MACROD2: variants seen among roughly 807,000 people sequenced by gnomAD.
MACROD2 encodes the protein mono-ADP ribosylhydrolase 2, also known as ADP-ribose glycohydrolase MACROD2.
Under a neutral mutation model 70.4 loss-of-function variants are expected in MACROD2, and 36 were observed. The ratio of observed to expected loss-of-function variants is 0.51; its 90% confidence interval spans 0.39 to 0.68. The LOEUF is 0.68. Ranked by LOEUF, MACROD2 falls within the 30% of genes least tolerant of loss-of-function variation. The probability of loss-of-function intolerance (pLI) is 0.00; values close to 1 mark genes in which losing one functional copy is unlikely to be tolerated. For missense variants in MACROD2, 496 were observed against 538.4 expected, an observed-to-expected ratio of 0.92 and a Z score of 0.78; for synonymous variants, 172 against 178.8, an observed-to-expected ratio of 0.96 and a Z score of 0.30.
At chr20:14,115,145 T>C (rs2054498757) in intron 3 of MACROD2, among the ~76,000 whole-genome samples, 1 of 152,106 alleles carries the variant, frequency 6.6e-6, no homozygotes, top group Non-Finnish European at 1.5e-5. Flanking sequence ...CGTCAAAGGT[T>C]CAGTGGGTAT....
chr20:15,094,180 A>G (rs369502395), intron 5 of MACROD2, among the ~76,000 whole-genome samples: 15 of 152,186 alleles, frequency 9.9e-5, no homozygotes, highest in African/African-American at 3.6e-4. Context: ...GTTGGCTTTG[A>G]TTCCTCTTAT....
chr20:16,033,783 C>A (rs1358076520), intron 15 of MACROD2, among the ~76,000 whole-genome samples: 1 of 150,032 alleles, frequency 6.7e-6, no homozygotes, highest in Admixed American at 6.7e-5. Context: ...TCCCCTTTCA[C>A]TAATAGTGAC....
At chr20:15,108,220 T>C (rs2075926824) in intron 5 of MACROD2, among the ~76,000 whole-genome samples, 1 of 152,104 alleles carries the variant, frequency 6.6e-6, no homozygotes, top group Non-Finnish European at 1.5e-5. Context: ...TCTTAGAGTT[T>C]AGGTAAAGAT....
At chr20:14,718,761 T>C (rs1335897383) in intron 5 of MACROD2, among the ~76,000 whole-genome samples, 1 of 151,626 alleles carries the variant, frequency 6.6e-6, no homozygotes, top group Non-Finnish European at 1.5e-5. Context: ...TTCCAGAAAA[T>C]GATAAAATAA....
chr20:14,678,931 ACC>A (rs2070895288), intron 4 of MACROD2, among the ~76,000 whole-genome samples: 1 of 151,662 alleles, frequency 6.6e-6, no homozygotes, highest in African/African-American at 2.4e-5. Context: ...GAGTAACCTA[ACC>A]ATTTCCTCAG....
At chr20:15,553,214 G>C (rs968082975) in intron 8 of MACROD2, among the ~76,000 whole-genome samples, 2 of 152,018 alleles carry the variant, frequency 1.3e-5, no homozygotes, top group Admixed American at 6.6e-5. Flanking sequence ...GAGAACACAC[G>C]AGTCGACAAA....
At chr20:14,625,751 G>A (rs891805589) in intron 4 of MACROD2, among the ~76,000 whole-genome samples, 2 of 152,190 alleles carry the variant, frequency 1.3e-5, no homozygotes, top group East Asian at 3.9e-4. Context: ...CCCCAGGTAT[G>A]ACTTTGCCTT....
intron 5 of MACROD2, among the ~76,000 whole-genome samples, chr20:14,764,937 A>G (rs1215425823): frequency 6.6e-6 from 1 of 152,084 alleles, no homozygotes; most frequent in Non-Finnish European, 1.5e-5. Flanking sequence ...CTGTCCAGCT[A>G]AAACTATACT....
chr20:15,396,918 A>G (rs1425481186), intron 6 of MACROD2, among the ~76,000 whole-genome samples: 1 of 152,188 alleles, frequency 6.6e-6, no homozygotes, highest in Non-Finnish European at 1.5e-5. Flanking sequence ...GTTCTATGGA[A>G]GGGGAGAGCA....
intron 3 of MACROD2, among the ~76,000 whole-genome samples, chr20:14,211,031 A>T (rs2122132709): frequency 6.6e-6 from 1 of 152,316 alleles, no homozygotes; most frequent in South Asian, 2.1e-4. Flanking sequence ...GAGTTTGTTG[A>T]TACTGTGTAA....
At chr20:14,469,160 A>G (rs926016046) in intron 3 of MACROD2, among the ~76,000 whole-genome samples, 2 of 152,192 alleles carry the variant, frequency 1.3e-5, no homozygotes, top group African/African-American at 4.8e-5. Flanking sequence ...TTGTCTGTAA[A>G]GGATTTTTTT....
At chr20:16,002,088 T>G (rs2066717295) in intron 15 of MACROD2, among the ~76,000 whole-genome samples, 1 of 151,884 alleles carries the variant, frequency 6.6e-6, no homozygotes, top group Admixed American at 6.6e-5. Flanking sequence ...ATATGTATAT[T>G]TCATATCTCC....
chr20:15,040,438 C>T (rs1278695919), intron 5 of MACROD2, among the ~76,000 whole-genome samples: 1 of 152,174 alleles, frequency 6.6e-6, no homozygotes. Context: ...ACTCTCTCTC[C>T]ATTCCCCACC....
chr20:15,230,012 G>C lies in MACROD2; in HGVS notation c.491G>C (p.Cys164Ser). ...NGSHKEDLAN[C>S]YKSSLKLVKE... ...TCCCACAAGGAAGACCTTGCAAATT[G>C]CTATAAATCATCTCTGAAGCTCGTG... Residue 164 changes from cysteine (C) to serine (S), a missense_variant, in exon 6 of 18, where the codon TGC becomes TCC. Coordinates refer to ENST00000684519, the MANE Select transcript of MACROD2 (RefSeq NM_001351661.2). 1 of 1,613,746 alleles carries C rather than the reference G, an allele frequency of 6.2e-7. No individual in the cohort carries two copies. Among genetic ancestry groups the C allele is most frequent in the South Asian group, 1.1e-5 (1 of 91,046 alleles).
chr20:14,826,327 C>G (rs906179357), intron 5 of MACROD2, among the ~76,000 whole-genome samples: 3 of 152,002 alleles, frequency 2.0e-5, no homozygotes, highest in Admixed American at 6.6e-5. Flanking sequence ...ATTACTATAT[C>G]CCCAAGGTTT....
rs76898460 is a variant in MACROD2 at position 15,667,499 on chromosome 20, G to GTATCTATCTATCTATCTATCTATCTATC, written c.645+167679_645+167680insCTATCTATCTATCTATCTATCTATCTAT. On this transcript the variant is annotated intron_variant, in intron 8 of 17. Transcript: ENST00000684519. Reference sequence around the variant, plus strand: ...TCTATGTATCTATGTATCTATCTATGTATCTATCTATCTATCTATCTATCT... The same window carrying GTATCTATCTATCTATCTATCTATCTATC: ...TCTATGTATCTATGTATCTATCTATGTATCTATCTATCTATCTATCTATCTATCTATCTATCTATCTATCTATCTATCT... 1.7e-4 allele frequency among the ~76,000 whole-genome samples: 26 copies of GTATCTATCTATCTATCTATCTATCTATC among 150,366 alleles called. No individual in the cohort carries two copies. The South Asian group carries it at 2.9e-3, about 17-fold the overall frequency.
chr20:14,984,650 A>T (rs944735058), intron 5 of MACROD2, among the ~76,000 whole-genome samples: 1 of 152,166 alleles, frequency 6.6e-6, no homozygotes, highest in African/African-American at 2.4e-5. Flanking sequence ...GGTCTGATGG[A>T]TTTGAAGGAA....
chr20:14,589,936 G>A (rs935291742), intron 4 of MACROD2, among the ~76,000 whole-genome samples: 1 of 152,146 alleles, frequency 6.6e-6, no homozygotes, highest in Non-Finnish European at 1.5e-5. Context: ...TGTGAGACAT[G>A]TGCTTTGAGC....
chr20:15,346,726 A>G (rs1360584623), intron 6 of MACROD2, among the ~76,000 whole-genome samples: 1 of 152,168 alleles, frequency 6.6e-6, no homozygotes, highest in African/African-American at 2.4e-5. Context: ...CATGTTATAA[A>G]TCCTATCAAG....
Sources: gnomAD v4.1 joint callset for allele counts (sites outside exome capture counted in the v4.1 genomes callset) on GRCh38, gnomAD v4.1.1 for gene constraint, MANE v1.5 for transcripts, NCBI Gene and HGNC (gene_info 2026-07-23, HGNC 2026-07-21) for gene names.